CBFA2T3: variants seen among roughly 807,000 people sequenced by gnomAD.
The protein encoded by CBFA2T3 is transcriptional corepressor CBFA2T3.
A neutral mutation model predicts 58.6 loss-of-function variants in CBFA2T3; 31 were observed. The ratio of observed to expected loss-of-function variants is 0.53; its 90% CI spans 0.40 to 0.71. The LOEUF (loss-of-function observed/expected upper bound fraction) is 0.71, where lower values mean the gene tolerates loss of function less well. CBFA2T3 is among the 30% of genes least tolerant of loss of function. The probability of loss-of-function intolerance (pLI) is 0.00; values close to 1 mark genes in which losing one functional copy is unlikely to be tolerated. For synonymous variants in CBFA2T3, 531 were observed against 421.9 expected (o/e 1.26, Z -3.17); for missense variants, 1,076 against 963.1 (o/e 1.12, Z -1.55).
At chr16:88,893,320 C>T (rs1436792320) in intron 3 of CBFA2T3, among the ~76,000 whole-genome samples, 4 of 151,072 alleles carry the variant, frequency 2.6e-5, no homozygotes, top group Non-Finnish European at 5.9e-5. Context: ...CACACAGGTG[C>T]CTCCCAGCCC....
chr16:88,932,704 T>C lies in CBFA2T3; in HGVS notation c.152-31048A>G, dbSNP rs558585469. ...GGTTCACGCCTGTCATCCCAGCACT[T>C]TGGGAGGCTGAGGCAGGTGGATCAC... On this transcript the variant is annotated intron_variant, in intron 1 of 11. Transcript: ENST00000268679. 9.6e-5 allele frequency among the ~76,000 whole-genome samples: 14 copies of C among 146,006 alleles called. No homozygotes were observed. In the South Asian group the frequency reaches 2.8e-3, roughly 29 times the overall value.
chr16:88,938,282 G>A (rs1416806287), intron 1 of CBFA2T3: 1 of 152,688 alleles, frequency 6.5e-6, no homozygotes, highest in Non-Finnish European at 1.5e-5. Context: ...GGTGCTCTAA[G>A]AATGTGGCCC....
intron 1 of CBFA2T3, among the ~76,000 whole-genome samples, chr16:88,965,222 G>A (rs1329876301): frequency 6.7e-6 from 1 of 150,144 alleles, no homozygotes; most frequent in Non-Finnish European, 1.5e-5. Context: ...ATTAATATCT[G>A]ACAAACATCA....
intron 1 of CBFA2T3, chr16:88,939,309 C>G (rs986124795): frequency 4.6e-5 from 7 of 152,392 alleles, no homozygotes; most frequent in African/African-American, 1.7e-4. Context: ...GACAGCACGG[C>G]CCCAGCACCA....
intron 5 of CBFA2T3, chr16:88,886,767 C>T (rs1167306261): frequency 1.3e-5 from 2 of 152,376 alleles, no homozygotes; most frequent in African/African-American, 2.4e-5. Context: ...ACGTGGACAC[C>T]CACGTTCTGT....
chr16:88,965,155 A>G (rs1250775202), intron 1 of CBFA2T3, among the ~76,000 whole-genome samples: 1 of 134,424 alleles, frequency 7.4e-6, no homozygotes, highest in Non-Finnish European at 1.5e-5. Context: ...ATCCATCTAT[A>G]TCACAATTAG....
At chr16:88,973,114 G>A (rs1303344229) in intron 1 of CBFA2T3, among the ~76,000 whole-genome samples, 5 of 152,176 alleles carry the variant, frequency 3.3e-5, no homozygotes, top group Non-Finnish European at 7.4e-5. Context: ...GGCTGCTCAT[G>A]TCCACTCCCC....
intron 1 of CBFA2T3, among the ~76,000 whole-genome samples, chr16:88,961,080 AG>A (rs1972342823): frequency 6.6e-6 from 1 of 152,238 alleles, no homozygotes; most frequent in Non-Finnish European, 1.5e-5. Flanking sequence ...CGCTGTGGGC[AG>A]GTGGTGGATG....
At position 88,875,319 on chromosome 16, in the gene CBFA2T3, T is replaced by C; in HGVS notation, c.*1657A>G. ...TTCCTTCTTGAAATCGCTGAGGCAGTTGAGAGGAGTGGAGGGAGGGTGGGC... is the reference window on the plus strand; with the variant it reads ...TTCCTTCTTGAAATCGCTGAGGCAGCTGAGAGGAGTGGAGGGAGGGTGGGC... On this transcript the variant is annotated 3_prime_UTR_variant, in exon 12 of 12. Coordinates refer to ENST00000268679, the MANE Select transcript of CBFA2T3 (RefSeq NM_005187.6). 1.3e-5 allele frequency: 3 copies of C among 232,470 alleles called. No homozygotes were observed. Among genetic ancestry groups the C allele is most frequent in the Non-Finnish European group, 2.5e-5 (3 of 117,858 alleles). 14.4% of individuals were successfully genotyped at this position (232,470 alleles called of 1,614,324 possible).
chr16:88,906,610 G>T (rs888342180), intron 1 of CBFA2T3, among the ~76,000 whole-genome samples: 2 of 152,236 alleles, frequency 1.3e-5, no homozygotes, highest in Non-Finnish European at 2.9e-5. Flanking sequence ...TCTGTCTCAA[G>T]GCAGAATAGA....
In CBFA2T3 at chr16:88,898,142, G is replaced by A. The variant is rs1402058098; in HGVS notation, c.315C>T (p.Asp105=). The A allele has an allele frequency of 1.5e-5, 24 of 1,611,572 alleles. No individual in the cohort carries two copies. The highest frequency in any genetic ancestry group is 2.0e-5 in the Non-Finnish European group (23 of 1,178,684). Residue 105 remains aspartate, a synonymous_variant, in exon 3 of 12, where the codon GAC becomes GAT. Transcript: ENST00000268679. Reference sequence around the variant, plus strand: ...GGCCGTGGGGCAGCGTCGCAGGCCCGTCCTCTCGATCTGTAAGCAAAATAA... The same window carrying A: ...GGCCGTGGGGCAGCGTCGCAGGCCCATCCTCTCGATCTGTAAGCAAAATAA... ...PSFTPHTHRE[D]GPATLPHGRF... is the part of the protein sequence containing the mutation.
intron 1 of CBFA2T3, among the ~76,000 whole-genome samples, chr16:88,930,962 T>C (rs1033499610): frequency 6.6e-6 from 1 of 151,760 alleles, no homozygotes. Flanking sequence ...GTGCACTAAG[T>C]GCTACTGAAG....
chr16:88,932,068 C>T (rs1333762438), intron 1 of CBFA2T3, among the ~76,000 whole-genome samples: 1 of 152,206 alleles, frequency 6.6e-6, no homozygotes, highest in Non-Finnish European at 1.5e-5. Context: ...AGACTTTACA[C>T]ACATGCACCT....
rs1273015539 is a variant in CBFA2T3 at position 88,958,451 on chromosome 16, A to G, written c.151+18206T>C. On this transcript the variant is annotated intron_variant, in intron 1 of 11. Coordinates refer to ENST00000268679, the MANE Select transcript of CBFA2T3 (RefSeq NM_005187.6). The surrounding 1 kb of genome is among the most constrained non-coding windows in gnomAD (Gnocchi z 4.0). ...TAATGCCAGGCGGGGCGGCGGGGGAAGAAGGTTCTGGGGCGGGGCGTTAGA... is the reference window on the plus strand; with the variant it reads ...TAATGCCAGGCGGGGCGGCGGGGGAGGAAGGTTCTGGGGCGGGGCGTTAGA... Among the ~76,000 whole-genome samples, 2 of 150,754 alleles carry G rather than the reference A, an allele frequency of 1.3e-5. No individual in the cohort carries two copies. The highest frequency in any genetic ancestry group is 3.0e-5 in the Non-Finnish European group (2 of 67,702).
At chr16:88,957,560 C>T (rs988115967) in intron 1 of CBFA2T3, 15 of 152,320 alleles carry the variant, frequency 9.8e-5, no homozygotes, top group African/African-American at 3.6e-4. Flanking sequence ...CAGTGTACAT[C>T]TGGGAAGCCC....
In CBFA2T3 at chr16:88,975,347, G is replaced by A. The variant is rs553480481; in HGVS notation, c.151+1310C>T. Among the ~76,000 whole-genome samples, 5 of 152,224 alleles carry A rather than the reference G, an allele frequency of 3.3e-5. No homozygotes were observed. The East Asian group carries it at 7.7e-4, about 24-fold the overall frequency. On this transcript the variant is annotated intron_variant, in intron 1 of 11. Transcript: ENST00000268679. ...ACCTCCTTCCACGGTAGACACCCCC[G>A]TCCTTCCACAGTAGACGCCCCCATC...
intron 1 of CBFA2T3, among the ~76,000 whole-genome samples, chr16:88,914,459 C>T (rs1422942854): frequency 6.6e-6 from 1 of 152,234 alleles, no homozygotes; most frequent in African/African-American, 2.4e-5. Context: ...GAGTGAACAT[C>T]AACAAGGCGA....
intron 1 of CBFA2T3, among the ~76,000 whole-genome samples, chr16:88,919,975 C>G (rs1335830101): frequency 6.6e-6 from 1 of 152,258 alleles, no homozygotes; most frequent in Non-Finnish European, 1.5e-5. Context: ...TGCAGGCATA[C>G]AGCAAGTGCT....
rs939899442 is a variant in CBFA2T3 at position 88,875,163 on chromosome 16, G to T, written c.*1813C>A. 4.3e-6 allele frequency: 1 copy of T among 234,978 alleles called. No homozygotes were observed. Among genetic ancestry groups the T allele is most frequent in the Non-Finnish European group, 8.4e-6 (1 of 119,496 alleles). 14.6% of individuals were successfully genotyped at this position (234,978 alleles called of 1,614,324 possible). On this transcript the variant is annotated 3_prime_UTR_variant, in exon 12 of 12. Transcript: ENST00000268679. Reference sequence around the variant, plus strand: ...GGCCACGCCACGCACACAGATGCCAGGCCACGGGCCACACCACGCACACAG... The same window carrying T: ...GGCCACGCCACGCACACAGATGCCATGCCACGGGCCACACCACGCACACAG...
Sources: allele counts gnomAD v4.1 joint callset (sites outside exome capture counted in the v4.1 genomes callset), GRCh38; gene constraint gnomAD v4.1.1; non-coding constraint Gnocchi (gnomAD v3.1); transcripts MANE v1.5; gene names NCBI Gene and HGNC (gene_info 2026-07-23, HGNC 2026-07-21).